The following TTN variants were observed in gnomAD, a reference collection of about 807,000 sequenced individuals.
The protein encoded by TTN is titin.
TTN carries 1,525 observed loss-of-function variants against 3,223.0 expected under a neutral mutation model. That is an observed-to-expected ratio of 0.47 (90% confidence interval 0.45 to 0.49). The LOEUF (loss-of-function observed/expected upper bound fraction) is 0.49. TTN is among the 20% of genes least tolerant of loss of function. The pLI is 0.00. For missense variants in TTN, 40,786 were observed against 43,424.0 expected (o/e 0.94, Z 5.40); for synonymous variants, 14,094 against 15,161.0 (o/e 0.93, Z 5.17).
rs773959706 is a variant in TTN, at chr2:178,612,064, T to C, written c.50347A>G (p.Ile16783Val). 3 of 1,610,026 alleles carry C rather than the reference T, an allele frequency of 1.9e-6. No homozygotes were observed. Among genetic ancestry groups the C allele is most frequent in the Admixed American group, 3.4e-5 (2 of 59,538 alleles). Residue 16783 changes from isoleucine (I) to valine (V), a missense_variant, in exon 267 of 363, where the codon ATA (isoleucine) becomes GTA (valine). Transcript: ENST00000589042. ...AATTAATTCAAATTCTACCTCTGTATTGGTCTTCCACCATCATTTTTAGGT... is the reference window on the plus strand; with the variant it reads ...AATTAATTCAAATTCTACCTCTGTACTGGTCTTCCACCATCATTTTTAGGT... The part of the protein sequence containing the change: ...EPPKNDGGRP[I>V]QRYVIEKKER...
rs2091804454 is a variant in TTN, at chr2:178,773,321, T to C, written c.7643A>G (p.Gln2548Arg). Residue 2548 changes from glutamine (Q) to arginine (R), a missense_variant, in exon 33 of 363, where the codon CAA becomes CGA. Transcript: ENST00000589042. ...CAGCTCAACCTCAAACACCACATTT[T>C]GAGTTTCTGTACAGGTAAGGTCACG... ...GLRDLTCTET[Q>R]NVVFEVELSH... The C allele has an allele frequency of 1.2e-6, 2 of 1,614,006 alleles. No individual in the cohort carries two copies. Among genetic ancestry groups the C allele is most frequent in the Non-Finnish European group, 1.7e-6 (2 of 1,179,972 alleles).
At position 178,739,690 on chromosome 2, in the gene TTN, T is replaced by G; in HGVS notation, c.13543A>C (p.Lys4515Gln). ...EEMDSFSGSQ[K>Q]VEPITEPEVE... The stretch of plus-strand genomic sequence containing the variant: ...TCTGGTTCAGTAATGGGTTCAACCT[T>G]CTGTGAACCTGAAAAAGAATCCATT... The change falls in exon 48 of 363, where the codon AAG (lysine) becomes CAG (glutamine). Residue 4515 changes from lysine (K) to glutamine (Q), a missense_variant. Transcript: ENST00000589042. The G allele has an allele frequency of 6.2e-7, 1 of 1,613,926 alleles. No individual in the cohort carries two copies. The highest frequency in any genetic ancestry group is 1.1e-5 in the South Asian group (1 of 91,080).
intron 359 of TTN, 47 bp from the exon 360 acceptor site, chr2:178,529,266 C>T: frequency 7.6e-7 from 1 of 1,312,642 alleles, no homozygotes; most frequent in Admixed American, 3.1e-5. Context: ...AAAGAGACCC[C>T]CACCTTTTAC....
intron 30 of TTN, 32 bp from the exon 31 acceptor site, chr2:178,774,142 G>A: frequency 6.2e-7 from 1 of 1,614,040 alleles, no homozygotes; most frequent in Non-Finnish European, 8.5e-7. Flanking sequence ...AGAATGTTAT[G>A]ATCATTTTTT....
intron 20 of TTN, among the ~76,000 whole-genome samples, chr2:178,781,579 C>T (rs1343188019): frequency 6.6e-6 from 1 of 151,128 alleles, no homozygotes; most frequent in Non-Finnish European, 1.5e-5. Flanking sequence ...TCTCTTTGTT[C>T]GTTATTTTTC....
At position 178,567,580 on chromosome 2, in the gene TTN, G is replaced by A; in HGVS notation, c.78552C>T (p.Ala26184=). The A allele has an allele frequency of 6.2e-7, 1 of 1,609,562 alleles. No individual in the cohort carries two copies. The highest frequency in any genetic ancestry group is 8.5e-7 in the Non-Finnish European group (1 of 1,177,240). Residue 26184 remains alanine, a synonymous_variant, in exon 326 of 363, where the codon GCC becomes GCT. Transcript: ENST00000589042. ...KPSDSTGPIT[A]KDEVELPRIS... ...TTCTTGGGAGTTCAACCTCATCCTT[G>A]GCAGTTATTGGTCCAGTACTGTCAG...
intron 332 of TTN, 35 bp downstream of exon 332, chr2:178,554,418 T>G (rs1360500973): frequency 6.3e-7 from 1 of 1,593,588 alleles, no homozygotes; most frequent in Non-Finnish European, 8.5e-7. Context: ...TTTAAATTTT[T>G]CACGTTTCAG....
Position 178,729,379 on chromosome 2 carries a change from G to T in TTN, c.18777C>A (p.Thr6259=), listed in dbSNP as rs750180579. Residue 6259 remains threonine (T), a synonymous_variant, in exon 64 of 363, where the codon ACC becomes ACA. Transcript: ENST00000589042. Reference sequence around the variant, plus strand: ...CCCCAGTGTCTGAAGGGTCACACTTGGTTATATGGAGGTTAAACACAGACA... The same window carrying T: ...CCCCAGTGTCTGAAGGGTCACACTTTGTTATATGGAGGTTAAACACAGACA... ...DRVSVFNLHI[T]KCDPSDTGEY... 6.8e-6 allele frequency: 11 copies of T among 1,613,444 alleles called. No individual in the cohort carries two copies. In the African/African-American group the frequency reaches 1.1e-4, roughly 16 times the overall value.
Position 178,562,234 on chromosome 2 carries a change from C to T in TTN, c.83898G>A (p.Glu27966=). 6.2e-7 allele frequency: 1 copy of T among 1,612,738 alleles called. No homozygotes were observed. Among genetic ancestry groups the T allele is most frequent in the Non-Finnish European group, 8.5e-7 (1 of 1,179,420 alleles). The part of the protein sequence containing the change: ...ARDIEIKPSV[E]LPFHTFNVKA... ...TTACATTGAAAGTATGGAAAGGAAG[C>T]TCAACTGAAGGCTTTATTTCAATAT... The change falls in exon 326 of 363, where the codon GAG becomes GAA. Residue 27966 remains glutamate, a synonymous_variant. Coordinates refer to ENST00000589042, the MANE Select transcript of TTN (RefSeq NM_001267550.2).
chr2:178,713,762 G>T, intron 92 of TTN, 135 bp downstream of exon 92: 1 of 1,111,358 alleles, frequency 9.0e-7, no homozygotes, highest in Non-Finnish European at 1.3e-6. Context: ...AGATGGTATT[G>T]CCTCTGAATT....
chr2:178,566,921 G>T lies in TTN; in HGVS notation c.79211C>A (p.Thr26404Asn), dbSNP rs786205300. The change falls in exon 326 of 363, where the codon ACC becomes AAC. Residue 26404 changes from threonine to asparagine, a missense_variant. Coordinates refer to ENST00000589042, the MANE Select transcript of TTN (RefSeq NM_001267550.2). Reference sequence around the variant, plus strand: ...ACTATCTGGACGGTTCCAACAGACGGTCATGGAGTCTTTGGCAATATTTGT... The same window carrying T: ...ACTATCTGGACGGTTCCAACAGACGTTCATGGAGTCTTTGGCAATATTTGT... ...EVTNIAKDSM[T>N]VCWNRPDSDG... 1.2e-6 allele frequency: 2 copies of T among 1,613,538 alleles called. No individual in the cohort carries two copies. Among genetic ancestry groups the T allele is most frequent in the Admixed American group, 1.7e-5 (1 of 59,966 alleles).
chr2:178,757,310 A>G (rs899653208), intron 45 of TTN, among the ~76,000 whole-genome samples: 7 of 151,108 alleles, frequency 4.6e-5, no homozygotes, highest in African/African-American at 1.7e-4. Context: ...GTGGTGCCTA[A>G]TAAAATAATT....
In TTN at chr2:178,746,440, G is replaced by A. The variant is rs752382960; in HGVS notation, c.11312-4519C>T. 5.0e-6 allele frequency: 8 copies of A among 1,611,432 alleles called. No homozygotes were observed. The Admixed American group carries it at 8.4e-5, about 17-fold the overall frequency. On this transcript the variant is annotated intron_variant, in intron 47 of 362. Transcript: ENST00000589042. ...TCACCTGCTTCTCAAATTCTTTAAC[G>A]TCTTTTTCACTTAATTCAACTTCCA...
In TTN at chr2:178,724,441, A is replaced by G. The variant is rs370294418; in HGVS notation, c.20934T>C (p.Ser6978=). ...GCTTTCCATCCTTGTACCATTCAAC[A>G]GAGAGTTCCGGAGTGCCAGCCACCT... ...ECKVAGTPEL[S]VEWYKDGKLL... Residue 6978 remains serine (S), a synonymous_variant, in exon 72 of 363, where the codon TCT becomes TCC. Coordinates refer to ENST00000589042, the MANE Select transcript of TTN (RefSeq NM_001267550.2). The G allele has an allele frequency of 7.4e-6, 12 of 1,613,326 alleles. 1 individual carries two copies. Among genetic ancestry groups the G allele is most frequent in the South Asian group, 6.6e-5 (6 of 91,066 alleles).
intron 2 of TTN, 35 bp downstream of exon 2, chr2:178,804,517 G>GAA: frequency 1.3e-6 from 2 of 1,550,780 alleles, no homozygotes; most frequent in Non-Finnish European, 1.8e-6. Context: ...GGAGGCAAAG[G>GAA]AAAAAAAAAC....
At position 178,782,795 on chromosome 2, in the gene TTN, T is replaced by TG. The variant is rs1371744461; in HGVS notation, c.3100+10dup. ...CATGTGCATTAGGACTGTGGGAGGG[T>TG]GGCCACTAACCCTGCACAGCCAGAT... is the stretch of plus-strand genomic sequence containing the variant. On this transcript the variant is annotated intron_variant, in intron 18 of 362. Transcript: ENST00000589042. 1 of 1,612,146 alleles carries TG rather than the reference T, an allele frequency of 6.2e-7. No homozygotes were observed. Among genetic ancestry groups the TG allele is most frequent in the Admixed American group, 1.7e-5 (1 of 59,982 alleles).
chr2:178,571,329 C>T lies in TTN; in HGVS notation c.74803G>A (p.Asp24935Asn). ...TAGCCAATGACTCTACTTCCTCCATCACTGATTGGCTCATTCCATTGTACT... is the reference window on the plus strand; with the variant it reads ...TAGCCAATGACTCTACTTCCTCCATTACTGATTGGCTCATTCCATTGTACT... ...MEVQWNEPIS[D>N]GGSRVIGYHL... Residue 24935 changes from aspartate to asparagine, a missense_variant, in exon 326 of 363, where the codon GAT (aspartate) becomes AAT (asparagine). Physicochemically the swap from Asp to Asn is conservative, Grantham distance 23 (BLOSUM62 1). Coordinates refer to ENST00000589042, the MANE Select transcript of TTN (RefSeq NM_001267550.2). 1 of 1,613,444 alleles carries T rather than the reference C, an allele frequency of 6.2e-7. No homozygotes were observed. Among genetic ancestry groups the T allele is most frequent in the Non-Finnish European group, 8.5e-7 (1 of 1,179,586 alleles).
At chr2:178,803,896 A>G (rs2094188597) in intron 2 of TTN, among the ~76,000 whole-genome samples, 1 of 152,236 alleles carries the variant, frequency 6.6e-6, no homozygotes, top group South Asian at 2.1e-4. Flanking sequence ...GGCAAAAAAG[A>G]GATGAACTTC....
At chr2:178,615,223 G>GACAA in intron 259 of TTN, 84 bp downstream of exon 259, 3 of 1,501,630 alleles carry the variant, frequency 2.0e-6, no homozygotes, top group Non-Finnish European at 2.7e-6. Context: ...AATGAAAAAA[G>GACAA]ACAAACATTT....
Sources: allele counts gnomAD v4.1 joint callset (sites outside exome capture counted in the v4.1 genomes callset), GRCh38; gene constraint gnomAD v4.1.1; transcripts MANE v1.5; gene names NCBI Gene and HGNC (gene_info 2026-07-23, HGNC 2026-07-21).